GARS1: variants seen among roughly 807,000 people sequenced by gnomAD.
GARS1 encodes glycyl-tRNA synthetase 1, also known as glycine--tRNA ligase.
A neutral mutation model predicts 86.4 loss-of-function variants in GARS1; 46 were observed. The ratio of observed to expected loss-of-function variants is 0.53; its 90% CI spans 0.42 to 0.68. GARS1 has a LOEUF of 0.68. Ranked by LOEUF, GARS1 falls within the 30% of genes least tolerant of loss-of-function variation. The pLI, the probability that GARS1 is intolerant of heterozygous loss-of-function variation, is 0.00. For synonymous variants in GARS1, 342 were observed against 329.8 expected, an observed-to-expected ratio of 1.04 and a Z score of -0.40; for missense variants, 797 against 915.6, an observed-to-expected ratio of 0.87 and a Z score of 1.67.
chr7:30,607,199 A>G (rs1304888581), intron 6 of GARS1, among the ~76,000 whole-genome samples: 1 of 152,232 alleles, frequency 6.6e-6, no homozygotes, highest in Non-Finnish European at 1.5e-5. Flanking sequence ...ATATGCAGTT[A>G]GTCCATATAT....
rs539480049 is a variant in GARS1, at chr7:30,619,286, A to T, written c.1359+2008A>T. On this transcript the variant is annotated intron_variant, in intron 10 of 16. Coordinates refer to ENST00000389266, the MANE Select transcript of GARS1 (RefSeq NM_002047.4). ...GGATCAGAAAATGGAAAGTCACTGG[A>T]AAACAGGGCTAAATGAAACAAGAAG... 1.4e-4 allele frequency among the ~76,000 whole-genome samples: 21 copies of T among 152,308 alleles called. 1 individual carries two copies. The South Asian group carries it at 3.3e-3, about 24-fold the overall frequency.
At chr7:30,617,472 G>C (rs1481224701) in intron 10 of GARS1, among the ~76,000 whole-genome samples, 194 bp downstream of exon 10, 1 of 152,228 alleles carries the variant, frequency 6.6e-6, no homozygotes, top group Non-Finnish European at 1.5e-5. Flanking sequence ...TGTAGTCTTA[G>C]ATAGCTGAGA....
intron 7 of GARS1, among the ~76,000 whole-genome samples, chr7:30,610,471 A>G (rs1268076145): frequency 2.6e-5 from 4 of 152,242 alleles, no homozygotes; most frequent in African/African-American, 4.8e-5. Flanking sequence ...AGTTTTTCCT[A>G]CATGAGCTAG....
rs373326652 is a variant in GARS1, at chr7:30,603,537, G to A, written c.700G>A (p.Glu234Lys). 49 of 1,613,722 alleles carry A rather than the reference G, an allele frequency of 3.0e-5. No homozygotes were observed. The African/African-American group carries it at 3.1e-4, about 10-fold the overall frequency. The change falls in exon 6 of 17, where the codon GAA becomes AAA. Residue 234 changes from glutamate (E) to lysine (K), a missense_variant. Glu to Lys is a moderately conservative substitution (Grantham distance 56). Around this residue, in one of 2 missense-constraint regions of GARS1, gnomAD observed 598 missense variants for 738.7 expected, o/e 0.81. Transcript: ENST00000389266. ...KLMSDKKCSV[E>K]KKSEMESVLA... ...GATGTCTGATAAGAAGTGTTCTGTC[G>A]AAAAGAAATCAGAAATGGAAAGTGT... is the stretch of plus-strand genomic sequence containing the variant.
intron 7 of GARS1, among the ~76,000 whole-genome samples, chr7:30,610,765 T>A (rs924843538): frequency 2.0e-5 from 3 of 152,206 alleles, no homozygotes; most frequent in Non-Finnish European, 2.9e-5. Context: ...AGAAATAACC[T>A]ATTCAGTAAT....
intron 9 of GARS1, 116 bp from the exon 10 acceptor site, chr7:30,616,998 T>G: frequency 1.0e-6 from 1 of 955,034 alleles, no homozygotes; most frequent in Non-Finnish European, 1.7e-6. Flanking sequence ...ATAGTTTGTG[T>G]TGGGTGTCAA....
intron 1 of GARS1, among the ~76,000 whole-genome samples, chr7:30,597,943 T>C (rs959399919): frequency 1.3e-5 from 2 of 152,146 alleles, no homozygotes; most frequent in African/African-American, 4.8e-5. Flanking sequence ...CATATTACTA[T>C]AAATATGGAA....
At chr7:30,598,551 G>A (rs1030656647) in intron 1 of GARS1, among the ~76,000 whole-genome samples, 3 of 151,818 alleles carry the variant, frequency 2.0e-5, no homozygotes, top group African/African-American at 7.3e-5. Flanking sequence ...ACCACGGCCG[G>A]CTAATTTTTG....
intron 7 of GARS1, among the ~76,000 whole-genome samples, 168 bp downstream of exon 7, chr7:30,609,898 ATTCT>A (rs1447894135): frequency 1.3e-5 from 2 of 152,226 alleles, no homozygotes; most frequent in Admixed American, 1.3e-4. Flanking sequence ...CTTTTAAAAA[ATTCT>A]TTCTGAATAT....
chr7:30,617,356 C>CTT, intron 10 of GARS1, 78 bp downstream of exon 10: 1 of 1,477,574 alleles, frequency 6.8e-7, no homozygotes, highest in Non-Finnish European at 9.3e-7. Flanking sequence ...TTTTTGTGCA[C>CTT]TTTATGTCAC....
chr7:30,595,381 C>T (rs938373417), intron 1 of GARS1, among the ~76,000 whole-genome samples: 1 of 152,220 alleles, frequency 6.6e-6, no homozygotes, highest in Non-Finnish European at 1.5e-5. Flanking sequence ...CCTGGAACCC[C>T]TCCGACTTCC....
chr7:30,630,193 ACT>A (rs1420593064), intron 14 of GARS1, among the ~76,000 whole-genome samples: 5 of 152,130 alleles, frequency 3.3e-5, no homozygotes, highest in African/African-American at 1.2e-4. Flanking sequence ...GGTCCCTGTT[ACT>A]CTCTTATATT....
intron 1 of GARS1, chr7:30,595,766 A>G (rs1031392652): frequency 1.1e-4 from 52 of 471,020 alleles, no homozygotes; most frequent in African/African-American, 9.2e-4. Context: ...GAACTTTTCT[A>G]TTAATGCTGT....
chr7:30,595,792 T>A, intron 1 of GARS1: 1 of 471,214 alleles, frequency 2.1e-6, no homozygotes, highest in Non-Finnish European at 4.4e-6. Flanking sequence ...CATCATCCTT[T>A]GCTCTTGTCA....
At chr7:30,603,684 A>ACCTCT in intron 6 of GARS1, 112 bp downstream of exon 6, 1 of 795,638 alleles carries the variant, frequency 1.3e-6, no homozygotes, top group Non-Finnish European at 2.2e-6. Context: ...ATTGTAATGA[A>ACCTCT]GCAGAGGTTA....
intron 6 of GARS1, among the ~76,000 whole-genome samples, chr7:30,604,472 T>G (rs1156628012): frequency 6.6e-6 from 1 of 152,212 alleles, no homozygotes; most frequent in Non-Finnish European, 1.5e-5. Context: ...CTCCCTAATA[T>G]GTTGTTTTTC....
At chr7:30,614,414 T>C (rs1181768430) in intron 8 of GARS1, 1 of 152,152 alleles carries the variant, frequency 6.6e-6, no homozygotes, top group Non-Finnish European at 1.5e-5. Context: ...ACATTGTAGA[T>C]GTTCAGTTGC....
chr7:30,608,290 G>T (rs1349309010), intron 6 of GARS1, among the ~76,000 whole-genome samples: 6 of 152,146 alleles, frequency 3.9e-5, no homozygotes, highest in Admixed American at 3.3e-4. Flanking sequence ...ATCTGTATTG[G>T]CAGAATCTTT....
chr7:30,631,864 C>G (rs1459586375), intron 15 of GARS1: 1 of 382,454 alleles, frequency 2.6e-6, no homozygotes, highest in Non-Finnish European at 4.9e-6. Flanking sequence ...TCTACAGCCA[C>G]AGAATCCACA....
Sources: allele counts gnomAD v4.1 joint callset (sites outside exome capture counted in the v4.1 genomes callset), GRCh38; gene constraint gnomAD v4.1.1; regional missense constraint gnomAD v4.1.1; transcripts MANE v1.5; gene names NCBI Gene and HGNC (gene_info 2026-07-23, HGNC 2026-07-21).